RASEF: variants seen among roughly 807,000 people sequenced by gnomAD.
RASEF encodes the protein RAS and EF-hand domain containing, also known as ras and EF-hand domain-containing protein.
In RASEF, 68 loss-of-function variants were observed where a neutral mutation model predicts 90.1. The observed-to-expected ratio is 0.75, with a 90% CI of 0.62 to 0.92. The LOEUF (loss-of-function observed/expected upper bound fraction) is 0.92. Among genes scored for constraint, RASEF ranks in the 40% least tolerant of loss-of-function variants. RASEF has a pLI of 0.00. For synonymous variants in RASEF, 331 were observed against 345.2 expected (o/e 0.96, Z 0.46); for missense variants, 949 against 937.2 (o/e 1.01, Z -0.16).
At chr9:82,995,470 G>A (rs1490087614) in intron 14 of RASEF, among the ~76,000 whole-genome samples, 1 of 151,818 alleles carries the variant, frequency 6.6e-6, no homozygotes, top group Non-Finnish European at 1.5e-5. Context: ...TTGAGATGGG[G>A]GTCTCGCTCT....
At chr9:83,143,648 A>G in the RASEF span, among the ~76,000 whole-genome samples, 3 of 152,340 alleles carry the variant, frequency 2.0e-5, no homozygotes, top group South Asian at 4.1e-4. Flanking sequence ...TAAAAAGTCA[A>G]AAAAACAACA....
At chr9:83,008,905 T>TATATATATAC (rs1829183567) in intron 6 of RASEF, among the ~76,000 whole-genome samples, 1 of 116,008 alleles carries the variant, frequency 8.6e-6, no homozygotes, top group South Asian at 3.1e-4. Flanking sequence ...TATATATATA[T>TATATATATAC]ATATATATAT....
the RASEF span, among the ~76,000 whole-genome samples, chr9:83,094,008 G>T: frequency 1.3e-5 from 2 of 152,048 alleles, no homozygotes; most frequent in Non-Finnish European, 2.9e-5. Context: ...AAGACTTCTC[G>T]GTGATTTTGA....
chr9:83,157,684 TTTA>T, the RASEF span, among the ~76,000 whole-genome samples: 1 of 152,220 alleles, frequency 6.6e-6, no homozygotes, highest in Non-Finnish European at 1.5e-5. Flanking sequence ...CTACAATTAT[TTTA>T]TTATTTGATA....
chr9:83,137,544 A>G, the RASEF span, among the ~76,000 whole-genome samples: 3 of 152,194 alleles, frequency 2.0e-5, no homozygotes, highest in African/African-American at 7.2e-5. Flanking sequence ...CAGCAAGACA[A>G]TAATAGATGG....
chr9:83,172,744 T>C, the RASEF span, among the ~76,000 whole-genome samples: 1 of 151,964 alleles, frequency 6.6e-6, no homozygotes, highest in Admixed American at 6.6e-5. Context: ...TTATTATTTT[T>C]GATAGATTTC....
chr9:83,167,710 T>C, the RASEF span, among the ~76,000 whole-genome samples: 1 of 152,120 alleles, frequency 6.6e-6, no homozygotes, highest in Non-Finnish European at 1.5e-5. Flanking sequence ...TAGCCATTCA[T>C]CTACTTTCTG....
chr9:83,190,724 A>G, the RASEF span, among the ~76,000 whole-genome samples: 1 of 152,328 alleles, frequency 6.6e-6, no homozygotes, highest in Admixed American at 6.5e-5. Context: ...AATATACATA[A>G]TTGCCGATGA....
chr9:83,058,159 G>T (rs1329454333), intron 1 of RASEF, among the ~76,000 whole-genome samples: 4 of 130,016 alleles, frequency 3.1e-5, no homozygotes, highest in African/African-American at 1.1e-4. Context: ...GCTCACTCCT[G>T]ATGTATTTAT....
chr9:83,055,004 C>T (rs1271231380), intron 1 of RASEF: 2 of 143,912 alleles, frequency 1.4e-5, no homozygotes, highest in African/African-American at 2.7e-5. Context: ...TTTTGTTTGT[C>T]TGTGCCCTGC....
chr9:83,086,589 G>T, the RASEF span, among the ~76,000 whole-genome samples: 1 of 152,174 alleles, frequency 6.6e-6, no homozygotes, highest in African/African-American at 2.4e-5. Context: ...CGAGGTTGAG[G>T]TCAAGTTGCT....
intron 15 of RASEF, among the ~76,000 whole-genome samples, chr9:82,990,696 T>C (rs548635090): frequency 1.3e-4 from 20 of 152,174 alleles, no homozygotes; most frequent in Non-Finnish European, 4.4e-5. Context: ...ATTAAAAAAA[T>C]AGAATATTTC....
the RASEF span, among the ~76,000 whole-genome samples, chr9:83,210,949 G>C: frequency 6.6e-6 from 1 of 152,110 alleles, no homozygotes; most frequent in South Asian, 2.1e-4. Context: ...CATCATCCCT[G>C]AATAATTTAG....
chr9:83,193,066 G>A, the RASEF span, among the ~76,000 whole-genome samples: 22 of 152,330 alleles, frequency 1.4e-4, no homozygotes, highest in South Asian at 4.1e-3. Flanking sequence ...TTTGCATGCA[G>A]AATTGTTGGG....
chr9:83,177,573 A>C, the RASEF span, among the ~76,000 whole-genome samples: 4 of 151,222 alleles, frequency 2.6e-5, no homozygotes, highest in Admixed American at 1.3e-4. Flanking sequence ...AGTTTCTGGT[A>C]AGATGCTAAT....
chr9:83,002,200 G>T (rs1442480848), intron 9 of RASEF, among the ~76,000 whole-genome samples: 1 of 152,190 alleles, frequency 6.6e-6, no homozygotes, highest in Non-Finnish European at 1.5e-5. Context: ...TAGGTCTTCA[G>T]ATATGAGAAA....
Position 83,015,797 on chromosome 9 carries a change from A to G in RASEF, c.765+8T>C, listed in dbSNP as rs781255721. The G allele has an allele frequency of 3.7e-6, 6 of 1,605,506 alleles. No individual in the cohort carries two copies. The highest frequency in any genetic ancestry group is 5.1e-6 in the Non-Finnish European group (6 of 1,172,262). On this transcript the variant is annotated splice_region_variant and intron_variant, in intron 4 of 16. Coordinates refer to ENST00000376447, the MANE Select transcript of RASEF (RefSeq NM_152573.4). ...CTGTTCCTACAAGTCCAGCTGCCAC[A>G]TGCCTACCTTTCTTAGCTTTTTAAT...
chr9:83,215,857 A>G, the RASEF span, among the ~76,000 whole-genome samples: 1 of 152,206 alleles, frequency 6.6e-6, no homozygotes, highest in African/African-American at 2.4e-5. Flanking sequence ...GAAAGTTTGG[A>G]ACTTCCTAGA....
At chr9:83,214,243 G>C in the RASEF span, among the ~76,000 whole-genome samples, 2 of 152,140 alleles carry the variant, frequency 1.3e-5, no homozygotes, top group Non-Finnish European at 2.9e-5. Flanking sequence ...AATTAGCCAG[G>C]CATGTTGGTG....
Sources: gnomAD v4.1 joint callset for allele counts (sites outside exome capture counted in the v4.1 genomes callset) on GRCh38, gnomAD v4.1.1 for gene constraint, MANE v1.5 for transcripts, NCBI Gene and HGNC (gene_info 2026-07-23, HGNC 2026-07-21) for gene names.